GPATCH1: variants seen among roughly 807,000 people sequenced by gnomAD.
GPATCH1 encodes G-patch domain containing 1, also known as G patch domain-containing protein 1.
In GPATCH1, 73 loss-of-function variants were observed where a neutral mutation model predicts 114.9. The observed-to-expected ratio is 0.64, with a 90% CI of 0.53 to 0.77. GPATCH1 has a LOEUF of 0.77. Ranked by LOEUF, GPATCH1 falls within the 30% of genes least tolerant of loss-of-function variation. The pLI, the probability that GPATCH1 is intolerant of heterozygous loss-of-function variation, is 0.00. For synonymous variants in GPATCH1, 391 were observed against 428.4 expected (o/e 0.91, Z 1.08); for missense variants, 1,058 against 1,144.3 (o/e 0.92, Z 1.09).
chr19:33,095,090 C>T (rs1466309999), intron 5 of GPATCH1, among the ~76,000 whole-genome samples: 1 of 151,918 alleles, frequency 6.6e-6, no homozygotes, highest in Non-Finnish European at 1.5e-5. Context: ...TGGCTTTAGT[C>T]CAGAAGGTTG....
Position 33,088,116 on chromosome 19 carries a change from T to C in GPATCH1, c.74-18T>C. 2 of 1,159,444 alleles carry C rather than the reference T, an allele frequency of 1.7e-6. No homozygotes were observed. Among genetic ancestry groups the C allele is most frequent in the Non-Finnish European group, 2.2e-6 (2 of 892,134 alleles). 71.8% of individuals were successfully genotyped at this position (1,159,444 alleles called of 1,614,324 possible). A position where few individuals can be genotyped will look rare whatever the true frequency, so the allele number is the denominator to read the frequency against. ...CTCTCTTTTTCATTTAAAAAACTTT[T>C]TTTTTTTTTTTTTTTAGGTGAAAGA... On this transcript the variant is annotated intron_variant, in intron 1 of 19. Transcript: ENST00000170564.
rs574925336 is a variant in GPATCH1, at chr19:33,085,450, A to C, written c.74-2684A>C. Reference sequence around the variant, plus strand: ...CAAACCACTGCTTCTAATGACTCGAACCACTCCTACCTGGGCCTCTCAAAG... The same window carrying C: ...CAAACCACTGCTTCTAATGACTCGACCCACTCCTACCTGGGCCTCTCAAAG... On this transcript the variant is annotated intron_variant, in intron 1 of 19. Transcript: ENST00000170564. Among the ~76,000 whole-genome samples the C allele has an allele frequency of 1.2e-3, 185 of 152,028 alleles. 1 individual carries two copies. Among genetic ancestry groups the C allele is most frequent in the African/African-American group, 4.3e-3 (177 of 41,470 alleles).
rs573473083 is a variant in GPATCH1, at chr19:33,109,940, C to G, written c.1509C>G (p.Phe503Leu). 6.2e-7 allele frequency: 1 copy of G among 1,614,190 alleles called. No homozygotes were observed. Among genetic ancestry groups the G allele is most frequent in the East Asian group, 2.2e-5 (1 of 44,892 alleles). ...CGGCCACCTTAAAAGCCAGCAACTT[C>G]AAGCCTTTCGCCAAAGATCCGGAAA... ...GGTATLKASN[F>L]KPFAKDPEKQ... The change falls in exon 11 of 20, where the codon TTC (phenylalanine) becomes TTG (leucine). Residue 503 changes from phenylalanine to leucine, a missense_variant. Phe to Leu is a conservative substitution (Grantham distance 22). Coordinates refer to ENST00000170564, the MANE Select transcript of GPATCH1 (RefSeq NM_018025.3).
At chr19:33,097,632 C>T in intron 7 of GPATCH1, 123 bp from the exon 8 acceptor site, 1 of 884,698 alleles carries the variant, frequency 1.1e-6, no homozygotes, top group Non-Finnish European at 1.8e-6. Flanking sequence ...CCGTTCACTT[C>T]TCTCTTGGTG....
At chr19:33,096,780 C>T (rs538164095) in intron 7 of GPATCH1, among the ~76,000 whole-genome samples, 9 of 152,022 alleles carry the variant, frequency 5.9e-5, no homozygotes, top group Non-Finnish European at 1.2e-4. Context: ...AGGCATGTGC[C>T]ACCATGCCCC....
rs763358446 is a variant in GPATCH1 at position 33,081,224 on chromosome 19, G to C, written c.31G>C (p.Asp11His). The C allele has an allele frequency of 6.4e-7, 1 of 1,551,862 alleles. No homozygotes were observed. The highest frequency in any genetic ancestry group is 2.0e-5 in the Admixed American group (1 of 51,020). ...GGCGCGGGACAGTGACAGCGAAGAA[G>C]ATCTGGTCAGCTATGGGACCGGGCT... MAARDSDSEE[D>H]LVSYGTGLEP... is the part of the protein sequence containing the mutation. Residue 11 changes from aspartate (D) to histidine (H), a missense_variant, in exon 1 of 20, where the codon GAT becomes CAT. Coordinates refer to ENST00000170564, the MANE Select transcript of GPATCH1 (RefSeq NM_018025.3).
chr19:33,111,952 T>G, intron 12 of GPATCH1, 50 bp downstream of exon 12: 1 of 1,385,732 alleles, frequency 7.2e-7, no homozygotes, highest in Non-Finnish European at 1.0e-6. Flanking sequence ...ATTAAAGCAC[T>G]GCCTAGCCAA....
chr19:33,109,743 C>G lies in GPATCH1; in HGVS notation c.1312C>G (p.Leu438Val). ...QGSATSVLEF[L>V]SQKDKERIKE... is the part of the protein sequence containing the mutation. ...TTCAGCTACTTCAGTGTTAGAATTT[C>G]TGTCCCAAAAAGACAAAGAGAGAAT... is the stretch of plus-strand genomic sequence containing the variant. Residue 438 changes from leucine (L) to valine (V), a missense_variant, in exon 11 of 20, where the codon CTG (leucine) becomes GTG (valine). Around this residue, in one of 3 missense-constraint regions of GPATCH1, gnomAD observed 893 missense variants for 977.4 expected, o/e 0.91. Coordinates refer to ENST00000170564, the MANE Select transcript of GPATCH1 (RefSeq NM_018025.3). The G allele has an allele frequency of 6.3e-7, 1 of 1,577,384 alleles. No individual in the cohort carries two copies. Among genetic ancestry groups the G allele is most frequent in the Non-Finnish European group, 8.6e-7 (1 of 1,160,796 alleles).
chr19:33,130,185 A>G lies in GPATCH1; in HGVS notation c.*25A>G, dbSNP rs1262540957. ...ATTGAATGCTGCCCTGGCTCGTCCT[A>G]GAATCATTTCTCCTCCATGATGGAA... On this transcript the variant is annotated 3_prime_UTR_variant, in exon 20 of 20. Coordinates refer to ENST00000170564, the MANE Select transcript of GPATCH1 (RefSeq NM_018025.3). 1.9e-6 allele frequency: 3 copies of G among 1,561,456 alleles called. No homozygotes were observed. The East Asian group carries it at 6.7e-5, about 35-fold the overall frequency.
chr19:33,087,202 A>G (rs559425365), intron 1 of GPATCH1, among the ~76,000 whole-genome samples: 1 of 152,272 alleles, frequency 6.6e-6, no homozygotes, highest in East Asian at 1.9e-4. Context: ...TCATACCCTT[A>G]ACCACTGTAT....
At chr19:33,119,161 G>T in intron 17 of GPATCH1, 44 bp downstream of exon 17, 1 of 1,079,734 alleles carries the variant, frequency 9.3e-7, no homozygotes. Context: ...ATCAGTGTGT[G>T]ATTGCCCTGA....
At chr19:33,088,366 C>CTCTTGTCTCAA in intron 2 of GPATCH1, 98 bp downstream of exon 2, 1 of 930,880 alleles carries the variant, frequency 1.1e-6, no homozygotes, top group Non-Finnish European at 1.6e-6. Flanking sequence ...AATTTTGAGA[C>CTCTTGTCTCAA]AAGAGTCTCG....
chr19:33,094,206 G>T lies in GPATCH1; in HGVS notation c.490G>T (p.Gly164Cys). The change falls in exon 5 of 20, where the codon GGT becomes TGT. Residue 164 changes from glycine (G) to cysteine (C), a missense_variant. By Grantham distance (159) the Gly-to-Cys change is radical (BLOSUM62 -3). Transcript: ENST00000170564. ...TGGTTTCGAATTGCTAAGAAAAATG[G>T]GTTGGAAAGAAGGACAAGGAGTTGG... ...SVGFELLRKMGWKEGQGVGPR... is the reference protein window; with the variant it reads ...SVGFELLRKMCWKEGQGVGPR... The T allele has an allele frequency of 3.7e-6, 6 of 1,609,040 alleles. No homozygotes were observed. Among genetic ancestry groups the T allele is most frequent in the Non-Finnish European group, 5.1e-6 (6 of 1,175,280 alleles).
intron 19 of GPATCH1, among the ~76,000 whole-genome samples, chr19:33,129,398 C>A (rs1396982704): frequency 6.7e-6 from 1 of 149,756 alleles, no homozygotes. Flanking sequence ...TATAGGGAGA[C>A]CCTGTCTCTA....
chr19:33,102,899 G>A (rs995026715), intron 9 of GPATCH1, among the ~76,000 whole-genome samples: 1 of 152,230 alleles, frequency 6.6e-6, no homozygotes, highest in Non-Finnish European at 1.5e-5. Context: ...GGCCTCCTCA[G>A]CTGGGGCCGA....
rs1972727159 is a variant in GPATCH1 at position 33,101,584 on chromosome 19, A to T, written c.1080+10A>T. 1.4e-6 allele frequency: 2 copies of T among 1,428,658 alleles called. No homozygotes were observed. The highest frequency in any genetic ancestry group is 2.0e-6 in the Non-Finnish European group (2 of 1,019,186). The allele number at this position is 1,428,658 out of a possible 1,614,324, so 88.5% of individuals were successfully genotyped here. On this transcript the variant is annotated intron_variant, in intron 9 of 19. Coordinates refer to ENST00000170564, the MANE Select transcript of GPATCH1 (RefSeq NM_018025.3). ...TTTATCTTCTAAGAAAGTAAGAAAA[A>T]CTTTTTTTCTTTCTTTTTTTACTGG...
intron 6 of GPATCH1, 58 bp downstream of exon 6, chr19:33,095,878 C>A: frequency 8.0e-7 from 1 of 1,254,252 alleles, no homozygotes; most frequent in Non-Finnish European, 1.2e-6. Context: ...TTCTGTATGA[C>A]TGTGAAATTT....
intron 3 of GPATCH1, 65 bp downstream of exon 3, chr19:33,090,930 G>A: frequency 1.1e-6 from 1 of 925,394 alleles, no homozygotes. Flanking sequence ...TGCTGTAACT[G>A]CCTTCTCTCT....
At chr19:33,110,652 TA>T (rs72105907) in intron 11 of GPATCH1, among the ~76,000 whole-genome samples, 67 of 145,572 alleles carry the variant, frequency 4.6e-4, no homozygotes, top group Middle Eastern at 3.5e-3. Flanking sequence ...TTATTTGCTT[TA>T]AAAAAAAAAA....
Sources: allele counts gnomAD v4.1 joint callset (sites outside exome capture counted in the v4.1 genomes callset), GRCh38; gene constraint gnomAD v4.1.1; regional missense constraint gnomAD v4.1.1; transcripts MANE v1.5; gene names NCBI Gene and HGNC (gene_info 2026-07-23, HGNC 2026-07-21).